The following GABBR2 variants were observed in gnomAD, a reference collection of about 807,000 sequenced individuals.
GABBR2 encodes the protein G-protein coupled receptor 51.
A neutral mutation model predicts 105.6 loss-of-function variants in GABBR2; 23 were observed. The ratio of observed to expected loss-of-function variants is 0.22; its 90% confidence interval spans 0.16 to 0.31. The LOEUF is 0.31. GABBR2 is among the 10% of genes least tolerant of loss of function. The pLI, the probability that GABBR2 is intolerant of heterozygous loss-of-function variation, is 1.00. For missense variants in GABBR2, 734 were observed against 1,245.5 expected (o/e 0.59, Z 6.18); for synonymous variants, 478 against 499.7 (o/e 0.96, Z 0.58).
chr9:98,535,093 A>AT (rs751553121), intron 3 of GABBR2, among the ~76,000 whole-genome samples: 14 of 151,970 alleles, frequency 9.2e-5, no homozygotes, highest in East Asian at 7.7e-4. Context: ...AATTGAGGAT[A>AT]TTTTTTTTCA....
At chr9:98,293,695 G>A (rs1588084436) in intron 18 of GABBR2, 90 bp downstream of exon 18, 1 of 701,958 alleles carries the variant, frequency 1.4e-6, no homozygotes, top group East Asian at 2.6e-5. Context: ...ATAAAATAAT[G>A]GATGTGAAAA....
At chr9:98,662,160 C>T (rs1588273532) in intron 1 of GABBR2, among the ~76,000 whole-genome samples, 1 of 152,156 alleles carries the variant, frequency 6.6e-6, no homozygotes, top group South Asian at 2.1e-4. Flanking sequence ...CTTCAGAAAT[C>T]GTTTTCAGAG....
intron 7 of GABBR2, among the ~76,000 whole-genome samples, chr9:98,436,965 C>A (rs899929006): frequency 3.9e-5 from 6 of 152,102 alleles, no homozygotes; most frequent in African/African-American, 1.4e-4. Flanking sequence ...GCAGAAATGC[C>A]CTAAGAAGGA....
intron 2 of GABBR2, among the ~76,000 whole-genome samples, chr9:98,568,562 G>C (rs1244098088): frequency 6.6e-6 from 1 of 152,154 alleles, no homozygotes; most frequent in Admixed American, 6.5e-5. Context: ...CTGGGTGCTG[G>C]AGCTGGGAGA....
chr9:98,706,114 A>C (rs202225207), intron 1 of GABBR2, among the ~76,000 whole-genome samples: 356 of 17,288 alleles, frequency 0.021, 1 homozygote, highest in Middle Eastern at 0.2. Context: ...AAAAACAAAA[A>C]AAAAAAAAAA....
chr9:98,596,309 G>T (rs1026485839), intron 1 of GABBR2, among the ~76,000 whole-genome samples: 25 of 152,240 alleles, frequency 1.6e-4, no homozygotes, highest in African/African-American at 5.8e-4. Context: ...GGAGATGTTA[G>T]CTGTTCCATG....
chr9:98,385,498 G>A (rs1166131661), intron 11 of GABBR2, 142 bp downstream of exon 11: 16 of 675,026 alleles, frequency 2.4e-5, no homozygotes, highest in Non-Finnish European at 2.4e-5. Flanking sequence ...CTTCCCTGTT[G>A]AGTTGAAAAC....
chr9:98,612,737 C>G (rs1055888021), intron 1 of GABBR2, among the ~76,000 whole-genome samples: 2 of 152,138 alleles, frequency 1.3e-5, no homozygotes, highest in African/African-American at 2.4e-5. Context: ...GAAAAAACCA[C>G]AACATGGTAA....
intron 11 of GABBR2, among the ~76,000 whole-genome samples, chr9:98,380,168 T>C (rs1390609827): frequency 6.6e-6 from 1 of 152,220 alleles, no homozygotes; most frequent in Non-Finnish European, 1.5e-5. Flanking sequence ...CAGGTGGTTG[T>C]GAACGAAAGG....
intron 3 of GABBR2, among the ~76,000 whole-genome samples, chr9:98,540,627 T>C (rs1346773075): frequency 6.6e-6 from 1 of 152,238 alleles, no homozygotes; most frequent in Non-Finnish European, 1.5e-5. Flanking sequence ...CAAGAGGCTG[T>C]GTGTCTGCCC....
At chr9:98,493,034 G>A (rs1827211118) in intron 4 of GABBR2, among the ~76,000 whole-genome samples, 1 of 152,176 alleles carries the variant, frequency 6.6e-6, no homozygotes, top group African/African-American at 2.4e-5. Flanking sequence ...ATTCTTCTGT[G>A]TAGGAGGTTT....
chr9:98,677,958 C>T (rs1356947920), intron 1 of GABBR2, among the ~76,000 whole-genome samples: 1 of 152,160 alleles, frequency 6.6e-6, no homozygotes, highest in Non-Finnish European at 1.5e-5. Context: ...AGTGCCATCA[C>T]CACTTAACAT....
chr9:98,688,902 T>C (rs1471030055), intron 1 of GABBR2, among the ~76,000 whole-genome samples: 6 of 152,098 alleles, frequency 3.9e-5, no homozygotes, highest in Non-Finnish European at 7.3e-5. Context: ...CAAAGCGTGA[T>C]GGAGATAAGA....
At chr9:98,627,105 G>A (rs77475772) in intron 1 of GABBR2, among the ~76,000 whole-genome samples, 2,332 of 152,318 alleles carry the variant, frequency 0.015, 62 homozygotes, top group African/African-American at 0.053. Context: ...CCATAAGGGT[G>A]TGGGATCAGC....
intron 11 of GABBR2, among the ~76,000 whole-genome samples, chr9:98,379,413 C>T (rs1459167857): frequency 5.3e-5 from 8 of 152,152 alleles, no homozygotes; most frequent in East Asian, 1.9e-4. Context: ...GGACTATAGG[C>T]GTCTGCCACC....
rs566029853 is a variant in GABBR2 at position 98,605,714 on chromosome 9, T to A, written c.322-27642A>T. On this transcript the variant is annotated intron_variant, in intron 1 of 18. Transcript: ENST00000259455. ...TGAGACTCCAGCACATCACTTAACC[T>A]CGTAGCATCCCATTTCTTCACCTGT... Among the ~76,000 whole-genome samples, 4 of 152,312 alleles carry A rather than the reference T, an allele frequency of 2.6e-5. No individual in the cohort carries two copies. The South Asian group carries it at 8.3e-4, about 32-fold the overall frequency.
At chr9:98,461,644 G>C (rs1826425396) in intron 6 of GABBR2, among the ~76,000 whole-genome samples, 1 of 152,154 alleles carries the variant, frequency 6.6e-6, no homozygotes, top group Non-Finnish European at 1.5e-5. Flanking sequence ...ATCTTCACGA[G>C]CATGGGTGGG....
Position 98,566,568 on chromosome 9 carries a change from G to A in GABBR2, c.459+11367C>T, listed in dbSNP as rs759500980. On this transcript the variant is annotated intron_variant, in intron 2 of 18. Coordinates refer to ENST00000259455, the MANE Select transcript of GABBR2 (RefSeq NM_005458.8). ...CGGGCACCTGTAGTTGCAGCTACTC[G>A]GGAGGCCGAGGCAGGAGAATCATTT... Among the ~76,000 whole-genome samples, 151 of 152,172 alleles carry A rather than the reference G, an allele frequency of 9.9e-4. 1 individual carries two copies. Among genetic ancestry groups the A allele is most frequent in the Non-Finnish European group, 1.9e-3 (132 of 68,000 alleles).
chr9:98,344,983 G>T (rs1831279160), intron 13 of GABBR2, among the ~76,000 whole-genome samples: 1 of 152,026 alleles, frequency 6.6e-6, no homozygotes. Flanking sequence ...TGCCTCCCAA[G>T]CCCATTCTCA....
Sources: allele counts gnomAD v4.1 joint callset (sites outside exome capture counted in the v4.1 genomes callset), GRCh38; gene constraint gnomAD v4.1.1; transcripts MANE v1.5; gene names NCBI Gene and HGNC (gene_info 2026-07-23, HGNC 2026-07-21).